The following MBOAT1 variants were observed in gnomAD, a reference collection of about 807,000 sequenced individuals.
MBOAT1 encodes membrane-bound glycerophospholipid O-acyltransferase 1.
A neutral mutation model predicts 64.4 loss-of-function variants in MBOAT1; 67 were observed. The observed-to-expected ratio is 1.04, with a 90% CI of 0.85 to 1.27. The LOEUF (loss-of-function observed/expected upper bound fraction) is 1.27. Among genes scored for constraint, MBOAT1 ranks in the 50% most tolerant of loss-of-function variants. MBOAT1 has a pLI of 0.00. For synonymous variants in MBOAT1, 229 were observed against 218.9 expected (o/e 1.05, Z -0.41); for missense variants, 563 against 604.6 (o/e 0.93, Z 0.72).
Position 20,135,415 on chromosome 6 carries a change from C to A in MBOAT1, c.420-4216G>T, listed in dbSNP as rs561712298. Among the ~76,000 whole-genome samples the A allele has an allele frequency of 3.3e-5, 5 of 152,274 alleles. No homozygotes were observed. The South Asian group carries it at 1.0e-3, about 32-fold the overall frequency. Reference sequence around the variant, plus strand: ...CTTCTGATACAGACTCTAGGCAATTCATCAGATGTGGTACCCATTCATTCA... The same window carrying A: ...CTTCTGATACAGACTCTAGGCAATTAATCAGATGTGGTACCCATTCATTCA... On this transcript the variant is annotated intron_variant, in intron 4 of 12. Transcript: ENST00000324607.
chr6:20,159,773 T>G (rs946897285), intron 1 of MBOAT1, among the ~76,000 whole-genome samples: 1 of 152,218 alleles, frequency 6.6e-6, no homozygotes, highest in African/African-American at 2.4e-5. Context: ...AACATATACA[T>G]TATTTGTCAA....
At chr6:20,156,750 T>G (rs1761701483) in intron 1 of MBOAT1, among the ~76,000 whole-genome samples, 1 of 152,210 alleles carries the variant, frequency 6.6e-6, no homozygotes, top group Non-Finnish European at 1.5e-5. Context: ...CTGTTATTGG[T>G]GTATAAGAAT....
chr6:20,149,632 T>C (rs1403928342), intron 3 of MBOAT1, among the ~76,000 whole-genome samples: 1 of 152,164 alleles, frequency 6.6e-6, no homozygotes, highest in African/African-American at 2.4e-5. Context: ...GAAGTGACAC[T>C]ATCCCCTTCA....
At position 20,196,249 on chromosome 6, in the gene MBOAT1, C is replaced by T. The variant is rs368346337; in HGVS notation, c.99+15887G>A. On this transcript the variant is annotated intron_variant, in intron 1 of 12. Transcript: ENST00000324607. The stretch of plus-strand genomic sequence containing the variant: ...CTATCAAAAGGATTCCACTTTAAAT[C>T]TGGTCTCAAAATATTCCCACAGATA... Among the ~76,000 whole-genome samples, 63 of 152,348 alleles carry T rather than the reference C, an allele frequency of 4.1e-4. 2 individuals carry two copies. Among genetic ancestry groups the T allele is most frequent in the Middle Eastern group, 6.8e-3 (2 of 294 alleles).
At chr6:20,193,368 A>G (rs1450685339) in intron 1 of MBOAT1, among the ~76,000 whole-genome samples, 1 of 152,110 alleles carries the variant, frequency 6.6e-6, no homozygotes, top group Non-Finnish European at 1.5e-5. Context: ...TATGCTTAGT[A>G]TGATTCTGTA....
chr6:20,150,562 C>CCTT (rs1761460620), intron 3 of MBOAT1, among the ~76,000 whole-genome samples: 4 of 134,852 alleles, frequency 3.0e-5, no homozygotes, highest in African/African-American at 1.1e-4. Flanking sequence ...TTTCTTTTTC[C>CCTT]TTTTTTTTTT....
At chr6:20,186,999 T>C (rs1581455141) in intron 1 of MBOAT1, among the ~76,000 whole-genome samples, 1 of 152,256 alleles carries the variant, frequency 6.6e-6, no homozygotes, top group Admixed American at 6.5e-5. Flanking sequence ...TTAAACTTAT[T>C]GGGATAAAAA....
intron 1 of MBOAT1, among the ~76,000 whole-genome samples, chr6:20,171,035 C>T (rs571312265): frequency 1.3e-5 from 2 of 152,224 alleles, no homozygotes; most frequent in Admixed American, 1.3e-4. Context: ...CCTTGAAAGA[C>T]CGTGCTTACT....
intron 1 of MBOAT1, among the ~76,000 whole-genome samples, chr6:20,200,512 A>G (rs1376598959): frequency 6.6e-6 from 1 of 152,198 alleles, no homozygotes; most frequent in East Asian, 1.9e-4. Context: ...AGTAGGAGGC[A>G]GAGCCATTTT....
chr6:20,212,400 G>T lies in MBOAT1; in HGVS notation c.-166C>A, dbSNP rs977590486. 9.4e-5 allele frequency: 60 copies of T among 635,570 alleles called. No individual in the cohort carries two copies. Among genetic ancestry groups the T allele is most frequent in the Non-Finnish European group, 1.5e-4 (56 of 374,484 alleles). 39.4% of individuals were successfully genotyped at this position (635,570 alleles called of 1,614,324 possible). A position where few individuals can be genotyped will look rare whatever the true frequency, so the allele number is the denominator to read the frequency against. On this transcript the variant is annotated 5_prime_UTR_variant, in exon 1 of 13. Transcript: ENST00000324607. The stretch of plus-strand genomic sequence containing the variant: ...GGAATGCGAACCGGCGCAAACTCTC[G>T]AGGCGCAAACTCTCGAGGCGCAAAC...
In MBOAT1 at chr6:20,136,433, T is replaced by A. The variant is rs567254190; in HGVS notation, c.420-5234A>T. 3.3e-5 allele frequency among the ~76,000 whole-genome samples: 5 copies of A among 152,360 alleles called. No homozygotes were observed. In the South Asian group the frequency reaches 1.0e-3, roughly 32 times the overall value. Reference sequence around the variant, plus strand: ...TTAAATTCCAAGTGACTGTGTTAGTTATTGAAAAGCTGGCAGCAGCATGAA... The same window carrying A: ...TTAAATTCCAAGTGACTGTGTTAGTAATTGAAAAGCTGGCAGCAGCATGAA... On this transcript the variant is annotated intron_variant, in intron 4 of 12. Transcript: ENST00000324607.
chr6:20,134,908 T>G (rs1292883723), intron 4 of MBOAT1, among the ~76,000 whole-genome samples: 2 of 148,658 alleles, frequency 1.3e-5, no homozygotes, highest in African/African-American at 4.9e-5. Context: ...TGTTCTTTTT[T>G]TTTTTTTTTT....
Position 20,150,035 on chromosome 6 carries a change from A to C in MBOAT1, c.323+1150T>G, listed in dbSNP as rs575797094. 2.0e-5 allele frequency among the ~76,000 whole-genome samples: 3 copies of C among 152,250 alleles called. No homozygotes were observed. In the East Asian group the frequency reaches 5.8e-4, roughly 29 times the overall value. ...TACAACAGTGAAAGAGAGAGAGAGA[A>C]ATCTTTGTTTTCATAGAACTTACAT... On this transcript the variant is annotated intron_variant, in intron 3 of 12. Transcript: ENST00000324607.
chr6:20,128,810 T>C (rs1760734156), intron 5 of MBOAT1, 57 bp from the exon 6 acceptor site: 2 of 1,232,776 alleles, frequency 1.6e-6, no homozygotes, highest in Non-Finnish European at 2.3e-6. Flanking sequence ...AGATGACAAA[T>C]TATAAAAGGG....
At chr6:20,142,512 C>T (rs1361492089) in intron 4 of MBOAT1, among the ~76,000 whole-genome samples, 8 of 152,140 alleles carry the variant, frequency 5.3e-5, no homozygotes, top group African/African-American at 7.2e-5. Context: ...TGCAGTGGCG[C>T]GATCTCAGCT....
At chr6:20,182,926 G>A (rs1270346422) in intron 1 of MBOAT1, among the ~76,000 whole-genome samples, 2 of 152,158 alleles carry the variant, frequency 1.3e-5, no homozygotes, top group Admixed American at 1.3e-4. Flanking sequence ...TTATAACTAT[G>A]GGAGATGACA....
intron 1 of MBOAT1, among the ~76,000 whole-genome samples, chr6:20,179,915 T>C (rs9465646): frequency 2.5e-5 from 3 of 120,990 alleles, no homozygotes; most frequent in South Asian, 2.4e-4. Context: ...AGATCAGTGA[T>C]GTTGAGCTTT....
At chr6:20,187,223 A>G (rs372889019) in intron 1 of MBOAT1, among the ~76,000 whole-genome samples, 1 of 152,246 alleles carries the variant, frequency 6.6e-6, no homozygotes, top group Non-Finnish European at 1.5e-5. Context: ...TAAAGTAGCA[A>G]GCATGCCATC....
chr6:20,193,029 G>A (rs902178193), intron 1 of MBOAT1, among the ~76,000 whole-genome samples: 15 of 32,696 alleles, frequency 4.6e-4, no homozygotes, highest in African/African-American at 6.3e-4. Context: ...TTTTTGAGAC[G>A]GAGTCTCGCT....
Sources: allele counts gnomAD v4.1 joint callset (sites outside exome capture counted in the v4.1 genomes callset), GRCh38; gene constraint gnomAD v4.1.1; transcripts MANE v1.5; gene names NCBI Gene and HGNC (gene_info 2026-07-23, HGNC 2026-07-21).